Variants in CPED1 observed in about 807,000 individuals in gnomAD.
CPED1 encodes the protein cadherin-like and PC-esterase domain-containing protein 1.
CPED1 carries 114 observed loss-of-function variants against 128.2 expected under a neutral mutation model. The ratio of observed to expected loss-of-function variants is 0.89; its 90% CI spans 0.76 to 1.04. The LOEUF is 1.04. CPED1 is among the 50% of genes least tolerant of loss of function. The pLI is 0.00. For missense variants in CPED1, 1,211 were observed against 1,207.1 expected, an observed-to-expected ratio of 1.00 and a Z score of -0.05; for synonymous variants, 462 against 426.7, an observed-to-expected ratio of 1.08 and a Z score of -1.02.
rs536522871 is a variant in CPED1, at chr7:121,123,242, G to T, written c.919-1089G>T. On this transcript the variant is annotated intron_variant, in intron 7 of 22. Coordinates refer to ENST00000310396, the MANE Select transcript of CPED1 (RefSeq NM_024913.5). Reference sequence around the variant, plus strand: ...TTAGGTTTCTGTTTTCAACTGGAAAGTTTATGAAGCCAGTATTTGTTTATC... The same window carrying T: ...TTAGGTTTCTGTTTTCAACTGGAAATTTTATGAAGCCAGTATTTGTTTATC... Among the ~76,000 whole-genome samples, 27 of 152,252 alleles carry T rather than the reference G, an allele frequency of 1.8e-4. No homozygotes were observed. In the East Asian group the frequency reaches 4.8e-3, roughly 27 times the overall value.
chr7:121,267,204 A>G lies in CPED1; in HGVS notation c.2634-11A>G. 6.9e-7 allele frequency: 1 copy of G among 1,439,844 alleles called. No individual in the cohort carries two copies. Among genetic ancestry groups the G allele is most frequent in the Non-Finnish European group, 9.7e-7 (1 of 1,031,870 alleles). The allele number at this position is 1,439,844 out of a possible 1,614,324, so 89.2% of individuals were successfully genotyped here. ...AGTTACTGACTTTAGAATTATAATT[A>G]TCTCATTCAGGGAAAATTTACTCAA... On this transcript the variant is annotated splice_polypyrimidine_tract_variant and intron_variant, in intron 20 of 22. Coordinates refer to ENST00000310396, the MANE Select transcript of CPED1 (RefSeq NM_024913.5).
intron 16 of CPED1, among the ~76,000 whole-genome samples, chr7:121,233,245 G>T (rs1798176461): frequency 6.6e-6 from 1 of 151,986 alleles, no homozygotes; most frequent in Non-Finnish European, 1.5e-5. Context: ...CTGGAGTTTG[G>T]CGCTTCCTTT....
At chr7:121,201,947 G>A (rs1797410033) in intron 16 of CPED1, among the ~76,000 whole-genome samples, 1 of 152,118 alleles carries the variant, frequency 6.6e-6, no homozygotes, top group Non-Finnish European at 1.5e-5. Context: ...GAACAAAATT[G>A]AGTATGCTAA....
intron 22 of CPED1, among the ~76,000 whole-genome samples, chr7:121,281,963 CAAAAGT>C (rs976001746): frequency 1.3e-5 from 2 of 152,096 alleles, no homozygotes; most frequent in African/African-American, 4.8e-5. Context: ...AAAATAAACA[CAAAAGT>C]AAAGAGGAGT....
At chr7:121,029,446 T>C (rs929137550) in intron 3 of CPED1, among the ~76,000 whole-genome samples, 1 of 152,182 alleles carries the variant, frequency 6.6e-6, no homozygotes, top group African/African-American at 2.4e-5. Context: ...AGTTGTAGTA[T>C]AAAACTGATG....
intron 5 of CPED1, among the ~76,000 whole-genome samples, chr7:121,072,282 A>G (rs886355204): frequency 4.6e-5 from 7 of 151,960 alleles, no homozygotes; most frequent in Non-Finnish European, 1.0e-4. Flanking sequence ...AATAGATCAC[A>G]CTAATTCTGC....
chr7:121,130,147 G>A lies in CPED1; in HGVS notation c.1430G>A (p.Gly477Glu). 1 of 1,612,420 alleles carries A rather than the reference G, an allele frequency of 6.2e-7. No individual in the cohort carries two copies. The highest frequency in any genetic ancestry group is 8.5e-7 in the Non-Finnish European group (1 of 1,178,924). The change falls in exon 12 of 23, where the codon GGG becomes GAG. Residue 477 changes from glycine to glutamate, a missense_variant. Transcript: ENST00000310396. ...CAGCTCTTCCCATCTACTACTCCTG[G>A]GATTCAGTCACTGATGCATGAATTT... Reference protein sequence around the residue: ...FQLLFPSTTPGIQSLMHEFYD... With the variant: ...FQLLFPSTTPEIQSLMHEFYD...
intron 16 of CPED1, among the ~76,000 whole-genome samples, chr7:121,200,220 A>G (rs138035015): frequency 1.5e-3 from 227 of 152,240 alleles, no homozygotes; most frequent in African/African-American, 4.9e-3. Flanking sequence ...GGCCTGAGAA[A>G]CATCACTTTT....
chr7:121,195,441 T>C (rs1234102852), intron 16 of CPED1, among the ~76,000 whole-genome samples: 2 of 152,156 alleles, frequency 1.3e-5, no homozygotes, highest in Non-Finnish European at 2.9e-5. Context: ...TGTTGATAAC[T>C]CCAGCAAAAA....
chr7:121,090,108 G>T (rs1794537472), intron 5 of CPED1, among the ~76,000 whole-genome samples: 1 of 152,158 alleles, frequency 6.6e-6, no homozygotes, highest in African/African-American at 2.4e-5. Context: ...AATTATTTCT[G>T]TAGAATTGCA....
At position 121,184,555 on chromosome 7, in the gene CPED1, G is replaced by C. The variant is rs187799274; in HGVS notation, c.2055+42414G>C. On this transcript the variant is annotated intron_variant, in intron 16 of 22. Transcript: ENST00000310396. ...GAAATTTTGCATTTTATTTCCTACA[G>C]AAAACTAGTGAGTGAGTTTTCTATT... Among the ~76,000 whole-genome samples the C allele has an allele frequency of 1.3e-3, 198 of 152,158 alleles. 2 individuals are homozygous for C. Among genetic ancestry groups the C allele is most frequent in the African/African-American group, 4.5e-3 (186 of 41,526 alleles).
chr7:121,040,321 T>C (rs1793017035), intron 3 of CPED1, among the ~76,000 whole-genome samples: 1 of 152,100 alleles, frequency 6.6e-6, no homozygotes, highest in Non-Finnish European at 1.5e-5. Flanking sequence ...TCTACTATAA[T>C]CAGTGTTAGA....
intron 18 of CPED1, among the ~76,000 whole-genome samples, chr7:121,258,244 GTTCA>G (rs1200962164): frequency 1.6e-4 from 24 of 152,022 alleles, no homozygotes; most frequent in African/African-American, 5.8e-4. Context: ...ATATTATGTT[GTTCA>G]TTCATTCAAT....
chr7:121,254,860 T>C (rs1355980729), intron 18 of CPED1, among the ~76,000 whole-genome samples: 1 of 150,468 alleles, frequency 6.6e-6, no homozygotes, highest in African/African-American at 2.4e-5. Flanking sequence ...AAGGAAGAGA[T>C]CAAAATTTTG....
At chr7:121,028,332 A>G (rs898596364) in intron 3 of CPED1, among the ~76,000 whole-genome samples, 3 of 152,192 alleles carry the variant, frequency 2.0e-5, no homozygotes, top group Non-Finnish European at 4.4e-5. Context: ...CAGAAGCACA[A>G]AGAACTTCTG....
Position 121,047,028 on chromosome 7 carries a change from G to A in CPED1, c.540+35G>A, listed in dbSNP as rs373381502. On this transcript the variant is annotated intron_variant, in intron 4 of 22. Coordinates refer to ENST00000310396, the MANE Select transcript of CPED1 (RefSeq NM_024913.5). The stretch of plus-strand genomic sequence containing the variant: ...CTCAAGATGTGCACAGATTTTATCA[G>A]CCCTACAGATATTAACACTGGCATT... The A allele has an allele frequency of 1.6e-4, 213 of 1,329,006 alleles. 1 individual carries two copies. The highest frequency in any genetic ancestry group is 1.3e-3 in the Middle Eastern group (7 of 5,494). 82.3% of individuals were successfully genotyped at this position (1,329,006 alleles called of 1,614,324 possible). A position where few individuals can be genotyped will look rare whatever the true frequency, so the allele number is the denominator to read the frequency against.
intron 18 of CPED1, among the ~76,000 whole-genome samples, chr7:121,262,394 C>T (rs1208699315): frequency 6.6e-6 from 1 of 152,040 alleles, no homozygotes; most frequent in Non-Finnish European, 1.5e-5. Flanking sequence ...ATAGTACCTC[C>T]TTTTAAGTCC....
intron 5 of CPED1, 54 bp from the exon 6 acceptor site, chr7:121,097,645 G>A: frequency 6.2e-7 from 1 of 1,601,684 alleles, no homozygotes; most frequent in Middle Eastern, 1.7e-4. Flanking sequence ...TTTCAAAGCA[G>A]TTCCAGAAAG....
rs781584083 is a variant in CPED1 at position 120,989,690 on chromosome 7, G to A, written c.69G>A (p.Val23=). Residue 23 remains valine (V), a synonymous_variant, in exon 2 of 23, where the codon GTG becomes GTA. Transcript: ENST00000310396. The stretch of plus-strand genomic sequence containing the variant: ...CCCGACCCTTCTTGGTGGGCTTAGT[G>A]GTGGCAATCTGTCTCTTCTACCAGA... ...FCPRPFLVGL[V]VAICLFYQTL... is the part of the protein sequence containing the mutation. 2 of 1,613,980 alleles carry A rather than the reference G, an allele frequency of 1.2e-6. No individual in the cohort carries two copies. The highest frequency in any genetic ancestry group is 2.2e-5 in the South Asian group (2 of 91,060).
Sources: allele counts gnomAD v4.1 joint callset (sites outside exome capture counted in the v4.1 genomes callset), GRCh38; gene constraint gnomAD v4.1.1; transcripts MANE v1.5; gene names NCBI Gene and HGNC (gene_info 2026-07-23, HGNC 2026-07-21).